Variants in MRPL22 observed in about 807,000 individuals in gnomAD.
MRPL22 encodes the protein large ribosomal subunit protein uL22m.
A neutral mutation model predicts 32.4 loss-of-function variants in MRPL22; 27 were observed. The ratio of observed to expected loss-of-function variants is 0.83; its 90% CI spans 0.61 to 1.15. The LOEUF is 1.15. Ranked by LOEUF, MRPL22 falls within the 50% of genes most tolerant of loss-of-function variation. The pLI, the probability that MRPL22 is intolerant of heterozygous loss-of-function variation, is 0.00. For missense variants in MRPL22, 239 were observed against 260.2 expected, an observed-to-expected ratio of 0.92 and a Z score of 0.56; for synonymous variants, 86 against 87.3, an observed-to-expected ratio of 0.99 and a Z score of 0.08.
intron 6 of MRPL22, among the ~76,000 whole-genome samples, chr5:154,963,218 C>T (rs540100455): frequency 1.3e-5 from 2 of 152,278 alleles, no homozygotes; most frequent in South Asian, 4.1e-4. Context: ...GGATTACAGG[C>T]GTGAGCCACT....
rs189901014 is a variant in MRPL22 at position 154,969,108 on chromosome 5, C to G, written c.*2211C>G. The G allele has an allele frequency of 6.6e-6, 1 of 152,312 alleles. No homozygotes were observed. Among genetic ancestry groups the G allele is most frequent in the Admixed American group, 6.5e-5 (1 of 15,306 alleles). 9.4% of individuals were successfully genotyped at this position (152,312 alleles called of 1,614,324 possible). A position where few individuals can be genotyped will look rare whatever the true frequency, so the allele number is the denominator to read the frequency against. ...ATATGGTTTGGCTCTGTGTTCCCAC[C>G]CAATCTTATCTCAAATTGTAATCCC... On this transcript the variant is annotated 3_prime_UTR_variant, in exon 7 of 7. Transcript: ENST00000523037.
chr5:154,957,317 C>T, intron 5 of MRPL22, 105 bp downstream of exon 5: 1 of 929,828 alleles, frequency 1.1e-6, no homozygotes, highest in Non-Finnish European at 1.7e-6. Flanking sequence ...CCTAAATTTT[C>T]TGTTGTAAAT....
chr5:154,964,388 T>A (rs566992960), intron 6 of MRPL22, among the ~76,000 whole-genome samples: 5 of 152,284 alleles, frequency 3.3e-5, no homozygotes, highest in African/African-American at 1.2e-4. Flanking sequence ...ATTGTTTCAT[T>A]TTACTTGAAA....
intron 6 of MRPL22, among the ~76,000 whole-genome samples, chr5:154,963,617 G>A (rs1409723936): frequency 6.6e-6 from 1 of 152,196 alleles, no homozygotes; most frequent in African/African-American, 2.4e-5. Context: ...AGCAGATGAT[G>A]TATTTCAAAA....
chr5:154,941,456 G>A (rs1343892980), intron 2 of MRPL22, among the ~76,000 whole-genome samples, 191 bp downstream of exon 2: 1 of 152,156 alleles, frequency 6.6e-6, no homozygotes, highest in Non-Finnish European at 1.5e-5. Flanking sequence ...ACAGGGATCA[G>A]GATTACCCAT....
chr5:154,963,191 G>A (rs759287356), intron 6 of MRPL22, among the ~76,000 whole-genome samples: 10 of 152,116 alleles, frequency 6.6e-5, no homozygotes, highest in Non-Finnish European at 1.2e-4. Flanking sequence ...CACCTGCCTC[G>A]GCCTCCCAAG....
At chr5:154,951,120 TCTTTA>T (rs1256770797) in intron 3 of MRPL22, among the ~76,000 whole-genome samples, 182 bp downstream of exon 3, 1 of 152,254 alleles carries the variant, frequency 6.6e-6, no homozygotes, top group African/African-American at 2.4e-5. Context: ...TACTTATTTG[TCTTTA>T]CTTAACCTCC....
At chr5:154,947,736 A>G (rs1471029435) in intron 2 of MRPL22, among the ~76,000 whole-genome samples, 1 of 152,194 alleles carries the variant, frequency 6.6e-6, no homozygotes, top group Non-Finnish European at 1.5e-5. Flanking sequence ...TAGTACAATA[A>G]CTCATTCTAT....
At chr5:154,945,775 C>T (rs968358888) in intron 2 of MRPL22, among the ~76,000 whole-genome samples, 1 of 152,178 alleles carries the variant, frequency 6.6e-6, no homozygotes, top group Non-Finnish European at 1.5e-5. Context: ...ATACTTAGGT[C>T]ACTCTCAGAT....
rs549768454 is a variant in MRPL22 at position 154,941,080 on chromosome 5, C to G, written c.-31C>G. On this transcript the variant is annotated 5_prime_UTR_variant, in exon 1 of 7. Transcript: ENST00000523037. The stretch of plus-strand genomic sequence containing the variant: ...GCGTGCTGTCCAGAAGGCGCTTGAA[C>G]TCGGCGGCTTCCGTAGCGGGAGGGC... The G allele has an allele frequency of 1.2e-6, 2 of 1,613,086 alleles. No homozygotes were observed. Among genetic ancestry groups the G allele is most frequent in the Non-Finnish European group, 1.7e-6 (2 of 1,179,956 alleles).
chr5:154,947,680 CA>C (rs1402927703), intron 2 of MRPL22, among the ~76,000 whole-genome samples: 3 of 152,174 alleles, frequency 2.0e-5, no homozygotes, highest in African/African-American at 7.2e-5. Flanking sequence ...TGCTAGAATA[CA>C]AAGAAAGTCG....
At chr5:154,950,656 G>T in intron 2 of MRPL22, 165 bp from the exon 3 acceptor site, 1 of 634,122 alleles carries the variant, frequency 1.6e-6, no homozygotes, top group Admixed American at 3.1e-5. Flanking sequence ...TCTCTTTGTT[G>T]TGTTTAAAAG....
At chr5:154,946,139 T>C (rs1764487510) in intron 2 of MRPL22, among the ~76,000 whole-genome samples, 1 of 152,204 alleles carries the variant, frequency 6.6e-6, no homozygotes, top group Non-Finnish European at 1.5e-5. Context: ...CGCAAGGTAC[T>C]GTGCTAGGCG....
intron 3 of MRPL22, among the ~76,000 whole-genome samples, chr5:154,954,694 A>G (rs1764609015): frequency 6.6e-6 from 1 of 152,198 alleles, no homozygotes; most frequent in Non-Finnish European, 1.5e-5. Flanking sequence ...GGTCAGGATT[A>G]CCATTGTTTA....
At chr5:154,962,854 A>G (rs1202833041) in intron 6 of MRPL22, among the ~76,000 whole-genome samples, 4 of 152,194 alleles carry the variant, frequency 2.6e-5, no homozygotes, top group Non-Finnish European at 5.9e-5. Flanking sequence ...GTGGGAGCGG[A>G]GGGCTTCTAA....
intron 2 of MRPL22, among the ~76,000 whole-genome samples, chr5:154,950,201 A>G (rs1764540868): frequency 6.6e-6 from 1 of 151,880 alleles, no homozygotes; most frequent in Non-Finnish European, 1.5e-5. Context: ...TCTCATGAGA[A>G]CTCCCTCACT....
chr5:154,953,895 G>A (rs1172552612), intron 3 of MRPL22, among the ~76,000 whole-genome samples: 4 of 151,090 alleles, frequency 2.6e-5, no homozygotes, highest in Non-Finnish European at 2.9e-5. Flanking sequence ...TGTGTGGTCC[G>A]GGCTGGTCTC....
intron 2 of MRPL22, among the ~76,000 whole-genome samples, chr5:154,944,913 A>G (rs1173944678): frequency 6.6e-6 from 1 of 152,228 alleles, no homozygotes; most frequent in Non-Finnish European, 1.5e-5. Flanking sequence ...TGGTGTCAGG[A>G]ACAATGACAA....
At chr5:154,955,850 AGTAGCTT>A (rs1285615467) in intron 3 of MRPL22, 3 of 153,010 alleles carry the variant, frequency 2.0e-5, no homozygotes, top group African/African-American at 7.2e-5. Context: ...AGAGAGGTTA[AGTAGCTT>A]GCTCAAGATT....
Sources: allele counts gnomAD v4.1 joint callset (sites outside exome capture counted in the v4.1 genomes callset), GRCh38; gene constraint gnomAD v4.1.1; transcripts MANE v1.5; gene names NCBI Gene and HGNC (gene_info 2026-07-23, HGNC 2026-07-21).